AKR1C8: variants seen among roughly 807,000 people sequenced by gnomAD.
The protein encoded by AKR1C8 is aldo-keto reductase family 1 member C8.
At chr10:5,175,611 A>C in the AKR1C8 span, among the ~76,000 whole-genome samples, 1 of 152,100 alleles carries the variant, frequency 6.6e-6, no homozygotes. Context: ...AAGTGTTACT[A>C]TTTCTCCACA....
At chr10:5,164,106 G>A in the AKR1C8 span, among the ~76,000 whole-genome samples, 3 of 152,060 alleles carry the variant, frequency 2.0e-5, no homozygotes, top group Non-Finnish European at 4.4e-5. Flanking sequence ...TTGCTCCTGG[G>A]CCAAGGTCCT....
chr10:5,175,032 T>C, the AKR1C8 span, among the ~76,000 whole-genome samples: 1 of 152,132 alleles, frequency 6.6e-6, no homozygotes, highest in African/African-American at 2.4e-5. Flanking sequence ...GTTTGTTACA[T>C]ATGTATACAT....
chr10:5,123,785 C>A, the AKR1C8 span: 4 of 1,613,340 alleles, frequency 2.5e-6, no homozygotes, highest in Admixed American at 5.0e-5. Context: ...AGAAATCCAG[C>A]AGTTTGCTCT....
chr10:5,159,242 T>A, the AKR1C8 span, among the ~76,000 whole-genome samples: 2 of 152,176 alleles, frequency 1.3e-5, no homozygotes, highest in African/African-American at 4.8e-5. Flanking sequence ...ATGGCATTAA[T>A]CAAGTGAGAT....
At chr10:5,128,405 A>G in the AKR1C8 span, among the ~76,000 whole-genome samples, 1 of 152,102 alleles carries the variant, frequency 6.6e-6, no homozygotes, top group Non-Finnish European at 1.5e-5. Flanking sequence ...GTAACAATTG[A>G]AATGATGAAA....
At chr10:5,179,508 G>C in the AKR1C8 span, among the ~76,000 whole-genome samples, 1 of 151,974 alleles carries the variant, frequency 6.6e-6, no homozygotes, top group Non-Finnish European at 1.5e-5. Context: ...TGTATTTCCT[G>C]AATCTGAATG....
the AKR1C8 span, chr10:5,157,493 G>A: frequency 5.3e-5 from 15 of 281,336 alleles, no homozygotes; most frequent in South Asian, 5.4e-4. Flanking sequence ...CCCTCTCGTC[G>A]ATCCTTCCAC....
the AKR1C8 span, among the ~76,000 whole-genome samples, chr10:5,140,995 C>T: frequency 6.6e-6 from 1 of 152,098 alleles, no homozygotes; most frequent in African/African-American, 2.4e-5. Context: ...AAAGATTTCT[C>T]TGTAGAGAGA....
the AKR1C8 span, chr10:5,158,850 C>T: frequency 2.7e-6 from 1 of 368,544 alleles, no homozygotes; most frequent in Non-Finnish European, 5.3e-6. Context: ...CCCCATGCAC[C>T]TTCTGAAGCA....
chr10:5,180,422 G>C, the AKR1C8 span, among the ~76,000 whole-genome samples: 73 of 152,280 alleles, frequency 4.8e-4, no homozygotes, highest in African/African-American at 1.7e-3. Context: ...TCGGGGGTTA[G>C]GGGTCAGGGA....
the AKR1C8 span, among the ~76,000 whole-genome samples, chr10:5,165,769 G>A: frequency 6.6e-6 from 1 of 152,088 alleles, no homozygotes; most frequent in Non-Finnish European, 1.5e-5. Flanking sequence ...GGTTAAAACA[G>A]TCCCTTCATT....
the AKR1C8 span, among the ~76,000 whole-genome samples, chr10:5,164,060 A>G: frequency 6.6e-6 from 1 of 152,058 alleles, no homozygotes; most frequent in African/African-American, 2.4e-5. Context: ...TTTGACTGTG[A>G]GCTGAGCCTC....
the AKR1C8 span, among the ~76,000 whole-genome samples, chr10:5,138,118 CAG>C: frequency 6.6e-6 from 1 of 151,750 alleles, no homozygotes. Flanking sequence ...CAACAGAAAA[CAG>C]GGTTCGAAAG....
chr10:5,145,140 T>C, the AKR1C8 span, among the ~76,000 whole-genome samples: 1 of 152,184 alleles, frequency 6.6e-6, no homozygotes, highest in African/African-American at 2.4e-5. Flanking sequence ...ATGTGGTTTT[T>C]GTCTTTGGCT....
chr10:5,129,585 C>T, the AKR1C8 span, among the ~76,000 whole-genome samples: 132 of 151,932 alleles, frequency 8.7e-4, 2 homozygotes, highest in East Asian at 0.02. Flanking sequence ...TGAAACTGGA[C>T]ACATTACAAA....
the AKR1C8 span, among the ~76,000 whole-genome samples, chr10:5,119,600 T>A: frequency 2.0e-5 from 3 of 152,144 alleles, no homozygotes; most frequent in Non-Finnish European, 4.4e-5. Flanking sequence ...AAAACAAACA[T>A]CCTCATATTC....
At chr10:5,181,375 A>G in the AKR1C8 span, among the ~76,000 whole-genome samples, 2 of 152,334 alleles carry the variant, frequency 1.3e-5, no homozygotes, top group Non-Finnish European at 2.9e-5. Flanking sequence ...TTACTTTTTC[A>G]AATGTTTAAA....
the AKR1C8 span, among the ~76,000 whole-genome samples, chr10:5,167,957 T>A: frequency 4.6e-5 from 7 of 152,242 alleles, no homozygotes; most frequent in African/African-American, 1.7e-4. Context: ...GTGGTTATTA[T>A]GTTGTATGCT....
At chr10:5,173,277 A>C in the AKR1C8 span, among the ~76,000 whole-genome samples, 1 of 152,012 alleles carries the variant, frequency 6.6e-6, no homozygotes, top group Non-Finnish European at 1.5e-5. Flanking sequence ...AATATACTTA[A>C]AACTTTGATC....
Sources: gnomAD v4.1 joint callset for allele counts (sites outside exome capture counted in the v4.1 genomes callset) on GRCh38, gnomAD v4.1.1 for gene constraint, MANE v1.5 for transcripts, NCBI Gene and HGNC (gene_info 2026-07-23, HGNC 2026-07-21) for gene names.